Variants in TATDN2 observed in about 807,000 individuals in gnomAD.
TATDN2 encodes 3'-5' RNA nuclease TATDN2.
TATDN2 carries 44 observed loss-of-function variants against 60.3 expected under a neutral mutation model. The observed-to-expected ratio is 0.73, with a 90% CI of 0.57 to 0.94. The LOEUF is 0.94. TATDN2 is among the 40% of genes least tolerant of loss of function. The pLI is 0.00. For missense variants in TATDN2, 997 were observed against 948.0 expected, an observed-to-expected ratio of 1.05 and a Z score of -0.68; for synonymous variants, 399 against 355.8, an observed-to-expected ratio of 1.12 and a Z score of -1.37.
At position 10,279,199 on chromosome 3, in the gene TATDN2, C is replaced by T. The variant is rs1421050901; in HGVS notation, c.*39-22C>T. 9.0e-6 allele frequency: 8 copies of T among 888,728 alleles called. No homozygotes were observed. The Admixed American group carries it at 2.5e-4, about 28-fold the overall frequency. The allele number at this position is 888,728 out of a possible 1,614,324, so 55.1% of individuals were successfully genotyped here. A position where few individuals can be genotyped will look rare whatever the true frequency, so the allele number is the denominator to read the frequency against. On this transcript the variant is annotated intron_variant, in intron 7 of 7. Transcript: ENST00000448281. Reference sequence around the variant, plus strand: ...GAGTGACATGGTTTGGAACCTTCTTCTTTTTCTCTTCCACCCTCCAGGGCG... The same window carrying T: ...GAGTGACATGGTTTGGAACCTTCTTTTTTTTCTCTTCCACCCTCCAGGGCG...
chr3:10,279,024 A>G lies in TATDN2; in HGVS notation c.2285A>G (p.Ter762=), dbSNP rs1236078302. ...RENTSRLYSL[*] ...AACACCAGTCGCCTCTACAGTCTTT[A>G]AGCAGAGAAGGTACAGTCCTCGGGA... The change falls in exon 7 of 8, where the codon TAA becomes TGA. Residue 762 remains the stop codon, a stop_retained_variant. Coordinates refer to ENST00000448281, the MANE Select transcript of TATDN2 (RefSeq NM_014760.4). 1.2e-6 allele frequency: 2 copies of G among 1,614,038 alleles called. No homozygotes were observed. The highest frequency in any genetic ancestry group is 1.7e-6 in the Non-Finnish European group (2 of 1,180,006).
At chr3:10,276,634 G>A (rs1025371628) in intron 5 of TATDN2, 146 bp downstream of exon 5, 6 of 1,224,038 alleles carry the variant, frequency 4.9e-6, no homozygotes, top group African/African-American at 1.5e-5. Flanking sequence ...TGTCGCCCAG[G>A]CTGGAGTGTA....
chr3:10,257,597 CAAAAAAAAAA>C (rs1196293139), intron 2 of TATDN2, among the ~76,000 whole-genome samples: 8 of 69,182 alleles, frequency 1.2e-4, no homozygotes, highest in Admixed American at 1.1e-3. Flanking sequence ...CCACTGTCTC[CAAAAAAAAAA>C]AAAACAAAAA....
chr3:10,269,142 T>A (rs1206006165), intron 3 of TATDN2, among the ~76,000 whole-genome samples: 1 of 152,164 alleles, frequency 6.6e-6, no homozygotes, highest in African/African-American at 2.4e-5. Flanking sequence ...GGCTGTAAAC[T>A]GGCACACCTA....
rs1464804601 is a variant in TATDN2, at chr3:10,260,149, G to A, written c.427G>A (p.Asp143Asn). The change falls in exon 3 of 8, where the codon GAT becomes AAT. Residue 143 changes from aspartate to asparagine, a missense_variant. Coordinates refer to ENST00000448281, the MANE Select transcript of TATDN2 (RefSeq NM_014760.4). ...TTTTTTTTCCCAGGTTGATTCCAAAGATAGTTCTCATAACTCCACAAACTC... is the reference window on the plus strand; with the variant it reads ...TTTTTTTTCCCAGGTTGATTCCAAAAATAGTTCTCATAACTCCACAAACTC... ...EACSLKVDSK[D>N]SSHNSTNSEF... 3.7e-6 allele frequency: 6 copies of A among 1,606,936 alleles called. No individual in the cohort carries two copies. The highest frequency in any genetic ancestry group is 5.1e-6 in the Non-Finnish European group (6 of 1,177,638).
chr3:10,262,972 C>T (rs1698427782), intron 3 of TATDN2, among the ~76,000 whole-genome samples: 1 of 152,124 alleles, frequency 6.6e-6, no homozygotes, highest in South Asian at 2.1e-4. Flanking sequence ...GTGATCTCAG[C>T]TCACTGCAAT....
rs1005747364 is a variant in TATDN2, at chr3:10,279,337, C to G, written c.*155C>G. 5.1e-5 allele frequency: 6 copies of G among 118,308 alleles called. No individual in the cohort carries two copies. Among genetic ancestry groups the G allele is most frequent in the South Asian group, 1.8e-4 (1 of 5,548 alleles). 7.3% of individuals were successfully genotyped at this position (118,308 alleles called of 1,614,324 possible). A position where few individuals can be genotyped will look rare whatever the true frequency, so the allele number is the denominator to read the frequency against. ...CCAGGACAGGATGTTTTCCTCCAAG[C>G]GGGTCATAAGGCTTCAGCTTCTGGG... On this transcript the variant is annotated 3_prime_UTR_variant, in exon 8 of 8. Coordinates refer to ENST00000448281, the MANE Select transcript of TATDN2 (RefSeq NM_014760.4).
intron 2 of TATDN2, among the ~76,000 whole-genome samples, chr3:10,251,588 G>A (rs1267486069): frequency 6.6e-6 from 1 of 151,992 alleles, no homozygotes; most frequent in African/African-American, 2.4e-5. Context: ...GTTTCGCCTT[G>A]TTGGCCAGGC....
At chr3:10,254,713 A>AG (rs1698279373) in intron 2 of TATDN2, among the ~76,000 whole-genome samples, 2 of 152,170 alleles carry the variant, frequency 1.3e-5, no homozygotes, top group Non-Finnish European at 2.9e-5. Context: ...GAAATCCTTC[A>AG]GGCTACTGGT....
At chr3:10,273,764 T>C (rs773849145) in intron 4 of TATDN2, among the ~76,000 whole-genome samples, 1 of 152,198 alleles carries the variant, frequency 6.6e-6, no homozygotes, top group Non-Finnish European at 1.5e-5. Context: ...GTTATAGTTA[T>C]TCTGCTGGTT....
chr3:10,279,128 T>C, intron 7 of TATDN2, 65 bp downstream of exon 7: 9 of 1,436,142 alleles, frequency 6.3e-6, no homozygotes, highest in Middle Eastern at 1.8e-4. Flanking sequence ...ATTTTGTTAA[T>C]GTAAAGAATA....
chr3:10,256,925 G>A (rs1366110996), intron 2 of TATDN2, among the ~76,000 whole-genome samples: 2 of 151,860 alleles, frequency 1.3e-5, no homozygotes, highest in Non-Finnish European at 2.9e-5. Flanking sequence ...GCAGGCAGAA[G>A]AGGGCACTAG....
rs747207064 is a variant in TATDN2, at chr3:10,260,348, G to A, written c.626G>A (p.Arg209Gln). 5.0e-6 allele frequency: 8 copies of A among 1,614,148 alleles called. No individual in the cohort carries two copies. The highest frequency in any genetic ancestry group is 4.5e-5 in the East Asian group (2 of 44,878). ...AAAAGGAAGGGAGAGGCTGCCACTC[G>A]GGCAAAACCAAGCGCAGCAGAGCAT... ...MPKRKGEAAT[R>Q]AKPSAAEHPS... Residue 209 changes from arginine to glutamine, a missense_variant, in exon 3 of 8, where the codon CGG (arginine) becomes CAG (glutamine). Physicochemically the swap from Arg to Gln is conservative, Grantham distance 43. Coordinates refer to ENST00000448281, the MANE Select transcript of TATDN2 (RefSeq NM_014760.4).
At position 10,249,044 on chromosome 3, in the gene TATDN2, G is replaced by A. The variant is rs1341185489; in HGVS notation, c.-30G>A. 2.5e-6 allele frequency: 2 copies of A among 803,466 alleles called. No homozygotes were observed. The highest frequency in any genetic ancestry group is 3.2e-5 in the East Asian group (1 of 31,224). 49.8% of individuals were successfully genotyped at this position (803,466 alleles called of 1,614,324 possible). A position where few individuals can be genotyped will look rare whatever the true frequency, so the allele number is the denominator to read the frequency against. Reference sequence around the variant, plus strand: ...TCTCTGAAACCTTGAGAACTGTGATGGGCAGTGGAAAGAAGAGGGAAAGGT... The same window carrying A: ...TCTCTGAAACCTTGAGAACTGTGATAGGCAGTGGAAAGAAGAGGGAAAGGT... On this transcript the variant is annotated 5_prime_UTR_variant, in exon 1 of 8. It removes an upstream start codon present in the reference 5' UTR. Transcript: ENST00000448281.
chr3:10,259,983 A>G (rs548080587), intron 2 of TATDN2, among the ~76,000 whole-genome samples, 154 bp from the exon 3 acceptor site: 12 of 152,356 alleles, frequency 7.9e-5, no homozygotes, highest in Non-Finnish European at 1.5e-4. Context: ...CCCCTCTTAC[A>G]GTGCCACTTC....
intron 3 of TATDN2, among the ~76,000 whole-genome samples, chr3:10,269,787 C>T (rs3843380): frequency 0.031 from 4,678 of 152,246 alleles, 241 homozygotes; most frequent in African/African-American, 0.11. Context: ...CTGGGCACTG[C>T]TTTTCTCTAA....
chr3:10,278,305 T>C lies in TATDN2; in HGVS notation c.1988T>C (p.Val663Ala). 6.2e-7 allele frequency: 1 copy of C among 1,614,082 alleles called. No homozygotes were observed. Among genetic ancestry groups the C allele is most frequent in the Non-Finnish European group, 8.5e-7 (1 of 1,179,972 alleles). ...CATTGCTTCACCGGCAGCTACCCGG[T>C]CATTGAGCCCCTGCTGAAGTACTTT... The part of the protein sequence containing the change: ...HRHCFTGSYP[V>A]IEPLLKYFPN... Residue 663 changes from valine (V) to alanine (A), a missense_variant, in exon 6 of 8, where the codon GTC becomes GCC. By Grantham distance (64) the Val-to-Ala change is moderately conservative (BLOSUM62 0). Coordinates refer to ENST00000448281, the MANE Select transcript of TATDN2 (RefSeq NM_014760.4). This position sits in a 1 kb window ranked among gnomAD's most constrained non-coding sequence, Gnocchi z 4.7.
At chr3:10,249,761 C>G in intron 2 of TATDN2, 147 bp downstream of exon 2, 1 of 975,236 alleles carries the variant, frequency 1.0e-6, no homozygotes, top group Admixed American at 3.8e-5. Flanking sequence ...TCCCCCCAAA[C>G]TCGAAGACCT....
chr3:10,250,399 C>T (rs1698204820), intron 2 of TATDN2, among the ~76,000 whole-genome samples: 1 of 151,926 alleles, frequency 6.6e-6, no homozygotes, highest in South Asian at 2.1e-4. Flanking sequence ...AGATCACTTT[C>T]CCCTTAGAGT....
Sources: gnomAD v4.1 joint callset for allele counts (sites outside exome capture counted in the v4.1 genomes callset) on GRCh38, gnomAD v4.1.1 for gene constraint, Gnocchi (gnomAD v3.1) non-coding constraint, MANE v1.5 for transcripts, NCBI Gene and HGNC (gene_info 2026-07-23, HGNC 2026-07-21) for gene names.